ZNF487: variants seen among roughly 807,000 people sequenced by gnomAD.
The protein encoded by ZNF487 is KRAB domain only 1.
ZNF487 carries 4 observed loss-of-function variants against 3.0 expected under a neutral mutation model. That is an observed-to-expected ratio of 1.35 (90% CI 0.66 to 3.08). The LOEUF (loss-of-function observed/expected upper bound fraction) is 3.08. Among genes scored for constraint, ZNF487 ranks in the 30% most tolerant of loss-of-function variants. ZNF487 has a pLI of 0.01. For missense variants in ZNF487, 146 were observed against 98.7 expected (o/e 1.48, Z -2.03); for synonymous variants, 55 against 34.6 (o/e 1.59, Z -2.06).
chr10:43,482,984 A>G lies in ZNF487; in HGVS notation c.*1062A>G, dbSNP rs781338566. Reference sequence around the variant, plus strand: ...TCACAACACATCAGAGAACACACACAAGGGAGCAACCCTATGAATATAATG... The same window carrying G: ...TCACAACACATCAGAGAACACACACGAGGGAGCAACCCTATGAATATAATG... On this transcript the variant is annotated 3_prime_UTR_variant, in exon 4 of 4. Transcript: ENST00000437590. 1 of 513,446 alleles carries G rather than the reference A, an allele frequency of 1.9e-6. No homozygotes were observed. The highest frequency in any genetic ancestry group is 2.1e-5 in the Admixed American group (1 of 48,382). 31.8% of individuals were successfully genotyped at this position (513,446 alleles called of 1,614,324 possible).
At chr10:43,470,000 T>G (rs1414432165) in intron 1 of ZNF487, among the ~76,000 whole-genome samples, 3 of 152,100 alleles carry the variant, frequency 2.0e-5, no homozygotes, top group African/African-American at 7.2e-5. Context: ...GACATAATGC[T>G]ATTGCACACT....
At chr10:43,468,157 TGAG>T (rs1263161947) in intron 1 of ZNF487, among the ~76,000 whole-genome samples, 1 of 152,154 alleles carries the variant, frequency 6.6e-6, no homozygotes, top group Non-Finnish European at 1.5e-5. Context: ...CTTGAACAGA[TGAG>T]GAGTTGCTTC....
At chr10:43,495,575 A>G in the ZNF487 span, among the ~76,000 whole-genome samples, 1 of 152,128 alleles carries the variant, frequency 6.6e-6, no homozygotes, top group Admixed American at 6.6e-5. Flanking sequence ...TGAGGACTCA[A>G]TGCGTTAATT....
intron 1 of ZNF487, among the ~76,000 whole-genome samples, chr10:43,470,997 A>AT (rs968527897): frequency 2.6e-5 from 4 of 151,792 alleles, no homozygotes; most frequent in African/African-American, 4.8e-5. Flanking sequence ...TAATTTTTGT[A>AT]TTTTTTTGTA....
At chr10:43,519,701 T>C in the ZNF487 span, among the ~76,000 whole-genome samples, 2 of 152,134 alleles carry the variant, frequency 1.3e-5, no homozygotes, top group African/African-American at 4.8e-5. Flanking sequence ...CACCTGACCT[T>C]GTGATCCGCC....
At chr10:43,503,973 A>G in the ZNF487 span, among the ~76,000 whole-genome samples, 1 of 152,164 alleles carries the variant, frequency 6.6e-6, no homozygotes, top group South Asian at 2.1e-4. Context: ...AATACTTACC[A>G]TTGTGTTACA....
At chr10:43,478,927 G>C (rs963674935) in intron 3 of ZNF487, among the ~76,000 whole-genome samples, 5 of 147,714 alleles carry the variant, frequency 3.4e-5, no homozygotes, top group Non-Finnish European at 7.4e-5. Context: ...TTTTTAATGA[G>C]ATGGAGTCTC....
the ZNF487 span, among the ~76,000 whole-genome samples, chr10:43,504,237 C>T: frequency 1.3e-5 from 2 of 150,790 alleles, no homozygotes; most frequent in African/African-American, 4.9e-5. Flanking sequence ...ATTTTTTGTT[C>T]CTAAGTTCCT....
At chr10:43,520,637 G>T in the ZNF487 span, among the ~76,000 whole-genome samples, 11 of 152,320 alleles carry the variant, frequency 7.2e-5, no homozygotes, top group East Asian at 1.9e-3. Context: ...TTATAGAGCA[G>T]TGACATACAA....
At chr10:43,514,108 G>A in the ZNF487 span, among the ~76,000 whole-genome samples, 1 of 152,022 alleles carries the variant, frequency 6.6e-6, no homozygotes, top group African/African-American at 2.4e-5. Context: ...ATTGATTGAG[G>A]GGTTGTGATT....
At chr10:43,463,005 C>T (rs560063081) in intron 1 of ZNF487, among the ~76,000 whole-genome samples, 6 of 152,004 alleles carry the variant, frequency 3.9e-5, no homozygotes, top group Non-Finnish European at 7.4e-5. Context: ...GATGCCAAGG[C>T]GGGTGGATCA....
chr10:43,511,778 C>T, the ZNF487 span, among the ~76,000 whole-genome samples: 27 of 152,138 alleles, frequency 1.8e-4, no homozygotes, highest in Non-Finnish European at 8.8e-5. Context: ...GTCCACGGAA[C>T]GGGTCATCCT....
At chr10:43,461,046 G>A (rs779632253) in intron 1 of ZNF487, among the ~76,000 whole-genome samples, 7 of 148,928 alleles carry the variant, frequency 4.7e-5, no homozygotes, top group Non-Finnish European at 8.9e-5. Flanking sequence ...CGCTCTCATC[G>A]CCCAGGCTGG....
chr10:43,493,709 A>AAAAAAAAAAAAAATATATATATATATAT, the ZNF487 span, among the ~76,000 whole-genome samples: 1 of 43,720 alleles, frequency 2.3e-5, no homozygotes, highest in Non-Finnish European at 4.0e-5. Flanking sequence ...AAAAAAAAAA[A>AAAAAAAAAAAAAATATATATATATATAT]ATATATATAT....
the ZNF487 span, among the ~76,000 whole-genome samples, chr10:43,518,880 C>T: frequency 2.6e-5 from 4 of 152,150 alleles, no homozygotes; most frequent in Admixed American, 2.0e-4. Context: ...CTCTAGACTC[C>T]TACAGTATTT....
the ZNF487 span, among the ~76,000 whole-genome samples, chr10:43,502,367 C>T: frequency 6.6e-6 from 1 of 151,902 alleles, no homozygotes; most frequent in South Asian, 2.1e-4. Context: ...GAACATCACA[C>T]ACTGGGGCCT....
the ZNF487 span, among the ~76,000 whole-genome samples, chr10:43,508,225 A>G: frequency 6.6e-6 from 1 of 152,254 alleles, no homozygotes; most frequent in South Asian, 2.1e-4. Flanking sequence ...CACCCTGATG[A>G]TAATGATTTG....
At chr10:43,519,760 T>A in the ZNF487 span, among the ~76,000 whole-genome samples, 1 of 152,200 alleles carries the variant, frequency 6.6e-6, no homozygotes, top group East Asian at 1.9e-4. Flanking sequence ...CCACTGTGCC[T>A]GGCCTAAAAT....
At chr10:43,510,118 A>AT in the ZNF487 span, among the ~76,000 whole-genome samples, 3 of 152,176 alleles carry the variant, frequency 2.0e-5, no homozygotes, top group East Asian at 1.9e-4. Flanking sequence ...TAAAATGAAG[A>AT]TTTTTTTAGT....
Sources: gnomAD v4.1 joint callset for allele counts (sites outside exome capture counted in the v4.1 genomes callset) on GRCh38, gnomAD v4.1.1 for gene constraint, MANE v1.5 for transcripts, NCBI Gene and HGNC (gene_info 2026-07-23, HGNC 2026-07-21) for gene names.